Variants in HPS3 observed in about 807,000 individuals in gnomAD.
The protein encoded by HPS3 is HPS3 biogenesis of lysosomal organelles complex 2 subunit 1.
In HPS3, 79 loss-of-function variants were observed where a neutral mutation model predicts 110.9. The observed-to-expected ratio is 0.71, with a 90% CI of 0.59 to 0.86. The LOEUF (loss-of-function observed/expected upper bound fraction) is 0.86, where lower values mean the gene tolerates loss of function less well. Ranked by LOEUF, HPS3 falls within the 40% of genes least tolerant of loss-of-function variation. HPS3 has a pLI of 0.00. For synonymous variants in HPS3, 428 were observed against 451.0 expected (o/e 0.95, Z 0.65); for missense variants, 1,197 against 1,206.2 (o/e 0.99, Z 0.11).
At chr3:149,134,699 C>G (rs905826376) in intron 1 of HPS3, among the ~76,000 whole-genome samples, 2 of 152,176 alleles carry the variant, frequency 1.3e-5, no homozygotes, top group African/African-American at 4.8e-5. Context: ...GCAGTACTGG[C>G]TGCAGGAGGC....
At position 149,141,213 on chromosome 3, in the gene HPS3, T is replaced by TA. The variant is rs1553751699; in HGVS notation, c.884+26dup. On this transcript the variant is annotated intron_variant, in intron 3 of 16. Coordinates refer to ENST00000296051, the MANE Select transcript of HPS3 (RefSeq NM_032383.5). ...GGTATTATAGTGCTTTTTTTTTTTTTACCAGCATTTTATGTATATATGCCT... is the reference window on the plus strand; with the variant it reads ...GGTATTATAGTGCTTTTTTTTTTTTTAACCAGCATTTTATGTATATATGCCT... 3.1e-6 allele frequency: 5 copies of TA among 1,591,358 alleles called. No homozygotes were observed. In the East Asian group the frequency reaches 6.7e-5, roughly 21 times the overall value.
intron 6 of HPS3, among the ~76,000 whole-genome samples, chr3:149,152,550 C>T (rs1228751681): frequency 6.6e-6 from 1 of 152,136 alleles, no homozygotes; most frequent in Non-Finnish European, 1.5e-5. Flanking sequence ...TTCTGAAGCC[C>T]TAGGTGCCAG....
intron 12 of HPS3, 61 bp from the exon 13 acceptor site, chr3:149,162,629 C>T: frequency 6.5e-7 from 1 of 1,532,730 alleles, no homozygotes; most frequent in Non-Finnish European, 9.0e-7. Context: ...TTCAGCCCAG[C>T]TGTCGCTTTA....
chr3:149,141,204 T>TTTTC lies in HPS3; in HGVS notation c.884+19_884+20insCTTT. 1 of 1,609,098 alleles carries TTTTC rather than the reference T, an allele frequency of 6.2e-7. No homozygotes were observed. On this transcript the variant is annotated intron_variant, in intron 3 of 16. Transcript: ENST00000296051. The stretch of plus-strand genomic sequence containing the variant: ...TGCTCTATAGGTATTATAGTGCTTT[T>TTTTC]TTTTTTTTTACCAGCATTTTATGTA...
At chr3:149,134,967 C>A (rs908005669) in intron 1 of HPS3, among the ~76,000 whole-genome samples, 7 of 152,172 alleles carry the variant, frequency 4.6e-5, no homozygotes, top group African/African-American at 1.7e-4. Context: ...TTTTCCACTT[C>A]ACAGCTTTTC....
At position 149,172,147 on chromosome 3, in the gene HPS3, T is replaced by A. The variant is rs2108198994; in HGVS notation, c.2940T>A (p.Val980=). The change falls in exon 17 of 17, where the codon GTT becomes GTA. Residue 980 remains valine (V), a synonymous_variant. Coordinates refer to ENST00000296051, the MANE Select transcript of HPS3 (RefSeq NM_032383.5). Reference sequence around the variant, plus strand: ...TAGAACTGAAGGATTTCATGAATGTTCTCCCAGAAGATGGTACTGCAACAT... The same window carrying A: ...TAGAACTGAAGGATTTCATGAATGTACTCCCAGAAGATGGTACTGCAACAT... ...VELELKDFMN[V]LPEDGTATFF... is the part of the protein sequence containing the mutation. 3 of 1,613,118 alleles carry A rather than the reference T, an allele frequency of 1.9e-6. No homozygotes were observed. Among genetic ancestry groups the A allele is most frequent in the Non-Finnish European group, 2.5e-6 (3 of 1,179,100 alleles).
intron 2 of HPS3, 58 bp from the exon 3 acceptor site, chr3:149,140,959 G>A: frequency 7.0e-7 from 1 of 1,434,976 alleles, no homozygotes; most frequent in South Asian, 1.2e-5. Context: ...ATTGGTGAGA[G>A]GATGTTGTAA....
chr3:149,140,952 G>T, intron 2 of HPS3, 65 bp from the exon 3 acceptor site: 2 of 1,377,332 alleles, frequency 1.5e-6, no homozygotes, highest in Non-Finnish European at 2.1e-6. Context: ...ATGTCTAATT[G>T]GTGAGAGGAT....
At chr3:149,141,823 C>T (rs1346463751) in intron 4 of HPS3, among the ~76,000 whole-genome samples, 1 of 151,730 alleles carries the variant, frequency 6.6e-6, no homozygotes, top group Non-Finnish European at 1.5e-5. Flanking sequence ...GCATGAGCCA[C>T]CACACCCGAC....
intron 12 of HPS3, 143 bp downstream of exon 12, chr3:149,162,476 C>T (rs1723968105): frequency 2.2e-6 from 2 of 891,852 alleles, no homozygotes; most frequent in South Asian, 2.9e-5. Flanking sequence ...GATAAAAGTA[C>T]TAATTAAAAG....
intron 5 of HPS3, among the ~76,000 whole-genome samples, chr3:149,147,684 G>A: frequency 6.6e-6 from 1 of 151,770 alleles, no homozygotes; most frequent in Admixed American, 6.6e-5. Context: ...AGCCCTGAAA[G>A]CATTATATTA....
Position 149,157,350 on chromosome 3 carries a change from G to A in HPS3, c.1510G>A (p.Val504Ile), listed in dbSNP as rs1361196608. 1.2e-6 allele frequency: 2 copies of A among 1,612,920 alleles called. No homozygotes were observed. The highest frequency in any genetic ancestry group is 2.2e-5 in the East Asian group (1 of 44,864). ...ISPVQLYKEM[V>I]DYSNTYKTVK... ...ATTAGTGTTTGTCTTTTTTGTTTAG[G>A]TAGACTATAGCAATACCTATAAGAC... The change falls in exon 9 of 17, where the codon GTA (valine) becomes ATA (isoleucine). Residue 504 changes from valine to isoleucine, a missense_variant and splice_region_variant. By Grantham distance (29) the Val-to-Ile change is conservative. Transcript: ENST00000296051.
rs1721612532 is a variant in HPS3 at position 149,129,657 on chromosome 3, C to T, written c.-67C>T. On this transcript the variant is annotated 5_prime_UTR_variant, in exon 1 of 17. Coordinates refer to ENST00000296051, the MANE Select transcript of HPS3 (RefSeq NM_032383.5). ...GCTCGCGGAAGTAGTCCTACATTCG[C>T]GGTCAGCGCGGGGTCTCCGGGCGCC... is the stretch of plus-strand genomic sequence containing the variant. The T allele has an allele frequency of 4.0e-6, 5 of 1,245,440 alleles. No homozygotes were observed. Among genetic ancestry groups the T allele is most frequent in the Non-Finnish European group, 4.3e-6 (4 of 927,896 alleles). The allele number at this position is 1,245,440 out of a possible 1,614,324, so 77.1% of individuals were successfully genotyped here. A position where few individuals can be genotyped will look rare whatever the true frequency, so the allele number is the denominator to read the frequency against.
At chr3:149,150,306 A>T (rs1723019839) in intron 5 of HPS3, among the ~76,000 whole-genome samples, 1 of 152,162 alleles carries the variant, frequency 6.6e-6, no homozygotes, top group African/African-American at 2.4e-5. Context: ...CTAACTAGGG[A>T]TGCACATCAG....
In HPS3 at chr3:149,129,945, G is replaced by C. The variant is rs1349552016; in HGVS notation, c.217+5G>C. The stretch of plus-strand genomic sequence containing the variant: ...GCCTGGCCTACAGCGAGGCTGGTGA[G>C]TAATCTAGAGAGCCAGGGGCCGCCT... On this transcript the variant is annotated splice_donor_5th_base_variant and intron_variant, in intron 1 of 16. Coordinates refer to ENST00000296051, the MANE Select transcript of HPS3 (RefSeq NM_032383.5). 6.5e-7 allele frequency: 1 copy of C among 1,538,918 alleles called. No individual in the cohort carries two copies. The highest frequency in any genetic ancestry group is 1.4e-5 in the African/African-American group (1 of 73,200).
rs1380971964 is a variant in HPS3, at chr3:149,162,202, A to G, written c.2161A>G (p.Lys721Glu). The change falls in exon 12 of 17, where the codon AAG (lysine) becomes GAG (glutamate). Residue 721 changes from lysine to glutamate, a missense_variant. By Grantham distance (56) the Lys-to-Glu change is moderately conservative. Coordinates refer to ENST00000296051, the MANE Select transcript of HPS3 (RefSeq NM_032383.5). ...ACCTCGGCTGTTGATTCAACAGAGA[A>G]AGGGACAGATTGTTCCAACCGAGCT... is the stretch of plus-strand genomic sequence containing the variant. ...LEPRLLIQQR[K>E]GQIVPTELAL... 2 of 1,613,920 alleles carry G rather than the reference A, an allele frequency of 1.2e-6. No homozygotes were observed. Among genetic ancestry groups the G allele is most frequent in the Admixed American group, 3.3e-5 (2 of 59,964 alleles).
At chr3:149,156,775 C>T (rs1723482275) in intron 8 of HPS3, among the ~76,000 whole-genome samples, 1 of 152,130 alleles carries the variant, frequency 6.6e-6, no homozygotes, top group Non-Finnish European at 1.5e-5. Flanking sequence ...ATTATATTAG[C>T]TGTGCCCTGT....
chr3:149,159,453 C>T lies in HPS3; in HGVS notation c.1873-593C>T, dbSNP rs367588069. ...TGGCATACACCTGTAGTTCCAGCTACTCAGGAGGCTGAGGCAGGAGGATCG... is the reference window on the plus strand; with the variant it reads ...TGGCATACACCTGTAGTTCCAGCTATTCAGGAGGCTGAGGCAGGAGGATCG... On this transcript the variant is annotated intron_variant, in intron 10 of 16. Coordinates refer to ENST00000296051, the MANE Select transcript of HPS3 (RefSeq NM_032383.5). Among the ~76,000 whole-genome samples, 12 of 152,132 alleles carry T rather than the reference C, an allele frequency of 7.9e-5. No homozygotes were observed. In the East Asian group the frequency reaches 2.3e-3, roughly 29 times the overall value.
At chr3:149,162,603 A>C (rs536073694) in intron 12 of HPS3, 87 bp from the exon 13 acceptor site, 2 of 1,366,434 alleles carry the variant, frequency 1.5e-6, no homozygotes, top group East Asian at 2.3e-5. Flanking sequence ...TGCGTGGCCC[A>C]TGTGATGCTG....
Sources: allele counts gnomAD v4.1 joint callset (sites outside exome capture counted in the v4.1 genomes callset), GRCh38; gene constraint gnomAD v4.1.1; transcripts MANE v1.5; gene names NCBI Gene and HGNC (gene_info 2026-07-23, HGNC 2026-07-21).